The following UGT1A5 variants were observed in gnomAD, a reference collection of about 807,000 sequenced individuals.
UGT1A5 encodes the protein UDP-glucuronosyltransferase 1A5.
A neutral mutation model predicts 40.3 loss-of-function variants in UGT1A5; 29 were observed. The observed-to-expected ratio is 0.72, with a 90% CI of 0.54 to 0.98. The LOEUF (loss-of-function observed/expected upper bound fraction) is 0.98. Among genes scored for constraint, UGT1A5 ranks in the 50% least tolerant of loss-of-function variants. The pLI, the probability that UGT1A5 is intolerant of heterozygous loss-of-function variation, is 0.00. For missense variants in UGT1A5, 678 were observed against 677.9 expected, an observed-to-expected ratio of 1.00 and a Z score of 0.00; for synonymous variants, 257 against 262.5, an observed-to-expected ratio of 0.98 and a Z score of 0.20.
intron 1 of UGT1A5, among the ~76,000 whole-genome samples, chr2:233,724,870 T>C (rs1288208202): frequency 1.6e-5 from 2 of 128,160 alleles, no homozygotes; most frequent in African/African-American, 6.8e-5. Context: ...TAGGTTGTAG[T>C]GAGCGGAGAT....
intron 1 of UGT1A5, among the ~76,000 whole-genome samples, chr2:233,736,127 C>T (rs143835193): frequency 0.028 from 4,197 of 152,268 alleles, 184 homozygotes; most frequent in African/African-American, 0.094. Flanking sequence ...TTCCATTCTC[C>T]GCATCACTTT....
chr2:233,726,536 A>G (rs956435699), intron 1 of UGT1A5, among the ~76,000 whole-genome samples: 1 of 152,196 alleles, frequency 6.6e-6, no homozygotes, highest in African/African-American at 2.4e-5. Flanking sequence ...AGGGAGATGC[A>G]GTGCAGCGTC....
At chr2:233,755,114 G>A (rs761865052) in intron 1 of UGT1A5, 3 of 1,331,932 alleles carry the variant, frequency 2.3e-6, no homozygotes, top group South Asian at 2.3e-5. Context: ...ACACCTCGTA[G>A]GCCTCAGCCA....
chr2:233,753,588 C>T (rs1263475788), intron 1 of UGT1A5: 2 of 152,166 alleles, frequency 1.3e-5, no homozygotes, highest in African/African-American at 4.8e-5. Flanking sequence ...TGGACTACCC[C>T]AAGGCAATAT....
intron 1 of UGT1A5, among the ~76,000 whole-genome samples, chr2:233,720,129 A>G (rs1275543977): frequency 1.3e-5 from 2 of 152,210 alleles, no homozygotes; most frequent in Admixed American, 6.5e-5. Context: ...AGGTGACCAC[A>G]GGAGACCTAG....
intron 1 of UGT1A5, chr2:233,729,245 A>C (rs548939333): frequency 5.1e-5 from 82 of 1,614,188 alleles, no homozygotes; most frequent in South Asian, 2.9e-4. Context: ...GATGGCAGCC[A>C]CTGGCTCAGC....
chr2:233,772,660 A>C lies in UGT1A5; in HGVS notation c.*101A>C. Reference sequence around the variant, plus strand: ...AAATTCATTTTATTCTTATTAAGGAAATACTTTGCATAAATTAATCAGCCC... The same window carrying C: ...AAATTCATTTTATTCTTATTAAGGACATACTTTGCATAAATTAATCAGCCC... On this transcript the variant is annotated 3_prime_UTR_variant, in exon 5 of 5. Transcript: ENST00000373414. 1 of 1,542,072 alleles carries C rather than the reference A, an allele frequency of 6.5e-7. No homozygotes were observed. The highest frequency in any genetic ancestry group is 8.7e-7 in the Non-Finnish European group (1 of 1,144,950).
intron 1 of UGT1A5, chr2:233,752,610 TTAGC>T (rs1306337132): frequency 1.3e-5 from 2 of 152,180 alleles, no homozygotes; most frequent in Non-Finnish European, 2.9e-5. Flanking sequence ...TAAAAAAACA[TTAGC>T]TAGGTGTGGT....
intron 1 of UGT1A5, among the ~76,000 whole-genome samples, chr2:233,757,752 A>G (rs979747575): frequency 2.0e-5 from 3 of 151,642 alleles, no homozygotes; most frequent in African/African-American, 7.3e-5. Flanking sequence ...GGACATGTTT[A>G]TGTTGCTCCT....
At chr2:233,744,008 G>C in intron 1 of UGT1A5, 6 of 1,163,404 alleles carry the variant, frequency 5.2e-6, no homozygotes, top group Non-Finnish European at 6.7e-6. Context: ...CGGAGACCTG[G>C]GCCGCCTGGA....
intron 1 of UGT1A5, chr2:233,718,046 C>G (rs534581999): frequency 3.7e-4 from 137 of 366,642 alleles, no homozygotes; most frequent in African/African-American, 2.8e-3. Context: ...AGCAGGAGCT[C>G]CCTGAACCCA....
chr2:233,718,423 G>A (rs1017112190), intron 1 of UGT1A5, among the ~76,000 whole-genome samples: 2 of 152,246 alleles, frequency 1.3e-5, no homozygotes. Context: ...CAGAGAACAT[G>A]TGGTTGGGGA....
In UGT1A5 at chr2:233,722,859, T is replaced by TC. The variant is rs2077044363; in HGVS notation, c.867+9001_867+9002insC. Among the ~76,000 whole-genome samples, 2 of 128,126 alleles carry TC rather than the reference T, an allele frequency of 1.6e-5. 1 individual carries two copies. The highest frequency in any genetic ancestry group is 5.9e-5 in the African/African-American group (2 of 33,684). The allele number at this position is 128,126 out of a possible 152,430, so 84.1% of individuals were successfully genotyped here. A position where few individuals can be genotyped will look rare whatever the true frequency, so the allele number is the denominator to read the frequency against. On this transcript the variant is annotated intron_variant, in intron 1 of 4. Transcript: ENST00000373414. The stretch of plus-strand genomic sequence containing the variant: ...TAAGAATGTTTCTTTTTTTTTTTTT[T>TC]GAAGGAAAAAATAAATTTATTGCTC...
intron 1 of UGT1A5, chr2:233,729,458 T>G: frequency 6.2e-7 from 1 of 1,614,110 alleles, no homozygotes; most frequent in Non-Finnish European, 8.5e-7. Flanking sequence ...AAGAAATTTT[T>G]CAGAAGTATG....
chr2:233,744,110 C>T, intron 1 of UGT1A5: 1 of 393,860 alleles, frequency 2.5e-6, no homozygotes, highest in Non-Finnish European at 4.6e-6. Flanking sequence ...ACTGGCCCTG[C>T]TCTCTGTGAG....
chr2:233,737,953 A>T (rs1429614905), intron 1 of UGT1A5, among the ~76,000 whole-genome samples: 2 of 152,112 alleles, frequency 1.3e-5, no homozygotes, highest in Non-Finnish European at 2.9e-5. Context: ...GTTTCCCAAC[A>T]TGAGGTCACA....
chr2:233,770,652 C>T (rs985386042), intron 4 of UGT1A5: 7 of 150,004 alleles, frequency 4.7e-5, no homozygotes, highest in Non-Finnish European at 1.0e-4. Context: ...AGTGAGACTC[C>T]GTCTTACTTA....
chr2:233,718,635 G>A, intron 1 of UGT1A5: 1 of 1,459,820 alleles, frequency 6.9e-7, no homozygotes, highest in Non-Finnish European at 9.2e-7. Flanking sequence ...TCTTTCCCAG[G>A]GTTGGGCCCA....
Position 233,761,147 on chromosome 2 carries a change from C to A in UGT1A5, c.868-5887C>A. 1.9e-6 allele frequency: 3 copies of A among 1,614,204 alleles called. No individual in the cohort carries two copies. In the South Asian group the frequency reaches 3.3e-5, roughly 18 times the overall value. ...AACTGCCTTCACCAAAATCCACTATCCCAGGTGTGTATTGGAGTGGGACTT... is the reference window on the plus strand; with the variant it reads ...AACTGCCTTCACCAAAATCCACTATACCAGGTGTGTATTGGAGTGGGACTT... On this transcript the variant is annotated intron_variant, in intron 1 of 4. Transcript: ENST00000373414.
Sources: gnomAD v4.1 joint callset for allele counts (sites outside exome capture counted in the v4.1 genomes callset) on GRCh38, gnomAD v4.1.1 for gene constraint, MANE v1.5 for transcripts, NCBI Gene and HGNC (gene_info 2026-07-23, HGNC 2026-07-21) for gene names.